KCNH1: variants seen among roughly 807,000 people sequenced by gnomAD.
KCNH1 encodes the protein voltage-gated delayed rectifier potassium channel KCNH1.
In KCNH1, 27 loss-of-function variants were observed where a neutral mutation model predicts 69.2. That is an observed-to-expected ratio of 0.39 (90% confidence interval 0.29 to 0.54). KCNH1 has a LOEUF of 0.54. Ranked by LOEUF, KCNH1 falls within the 20% of genes least tolerant of loss-of-function variation. The pLI, the probability that KCNH1 is intolerant of heterozygous loss-of-function variation, is 0.68. For missense variants in KCNH1, 798 were observed against 1,261.6 expected (o/e 0.63, Z 5.57); for synonymous variants, 456 against 487.7 (o/e 0.93, Z 0.86).
At chr1:210,861,237 C>T in intron 7 of KCNH1, 1 of 969,812 alleles carries the variant, frequency 1.0e-6, no homozygotes, top group Non-Finnish European at 1.7e-6. Flanking sequence ...TGGATAATGC[C>T]TTGTATATGG....
intron 6 of KCNH1, among the ~76,000 whole-genome samples, chr1:210,966,960 C>A (rs1303932365): frequency 9.9e-5 from 15 of 152,158 alleles, no homozygotes; most frequent in Admixed American, 9.8e-4. Context: ...AGACTTGGAA[C>A]CAACGAAATG....
At chr1:210,751,553 C>T (rs1328858954) in intron 10 of KCNH1, among the ~76,000 whole-genome samples, 1 of 152,032 alleles carries the variant, frequency 6.6e-6, no homozygotes, top group African/African-American at 2.4e-5. Context: ...AGGACAGTTC[C>T]AGGCAAAGTG....
intron 10 of KCNH1, among the ~76,000 whole-genome samples, chr1:210,713,096 TAA>T (rs35255213): frequency 6.6e-6 from 1 of 152,226 alleles, no homozygotes; most frequent in Non-Finnish European, 1.5e-5. Context: ...TATTCACCTT[TAA>T]AAAGTTTTTC....
chr1:210,876,384 T>TC (rs779506898), intron 7 of KCNH1, among the ~76,000 whole-genome samples: 7 of 152,168 alleles, frequency 4.6e-5, no homozygotes, highest in Admixed American at 2.0e-4. Flanking sequence ...TACTTGTCTC[T>TC]CTGCTTTCTC....
intron 6 of KCNH1, among the ~76,000 whole-genome samples, chr1:210,980,630 C>T (rs1034924305): frequency 1.3e-5 from 2 of 152,154 alleles, no homozygotes; most frequent in African/African-American, 4.8e-5. Flanking sequence ...ATTTGCACTG[C>T]ATTATATGAT....
In KCNH1 at chr1:210,683,339, A is replaced by C. The variant is rs1681319872; in HGVS notation, c.2912T>G (p.Phe971Cys). The C allele has an allele frequency of 1.9e-6, 3 of 1,614,030 alleles. No individual in the cohort carries two copies. Among genetic ancestry groups the C allele is most frequent in the African/African-American group, 1.3e-5 (1 of 74,992 alleles). Reference sequence around the variant, plus strand: ...TGGGGACTGTGGCCTCGATATTTCAAACAACTCCTGAGGAGACTGAGAGGA... The same window carrying C: ...TGGGGACTGTGGCCTCGATATTTCACACAACTCCTGAGGAGACTGAGAGGA... ...RRSSQSPQEL[F>C]EISRPQSPES... The change falls in exon 11 of 11, where the codon TTT (phenylalanine) becomes TGT (cysteine). Residue 971 changes from phenylalanine (F) to cysteine (C), a missense_variant. Physicochemically the swap from Phe to Cys is radical, Grantham distance 205. Around this residue, in one of 4 missense-constraint regions of KCNH1, gnomAD observed 331 missense variants for 363.2 expected, o/e 0.91. Transcript: ENST00000271751. The surrounding 1 kb of genome is among the most constrained non-coding windows in gnomAD (Gnocchi z 5.7).
rs1461031432 is a variant in KCNH1, at chr1:211,042,740, AT to A, written c.559-23485del. Among the ~76,000 whole-genome samples, 11 of 152,328 alleles carry A rather than the reference AT, an allele frequency of 7.2e-5. No homozygotes were observed. In the East Asian group the frequency reaches 2.1e-3, roughly 29 times the overall value. On this transcript the variant is annotated intron_variant, in intron 5 of 10. Coordinates refer to ENST00000271751, the MANE Select transcript of KCNH1 (RefSeq NM_172362.3). The stretch of plus-strand genomic sequence containing the variant: ...AGGCCACAAAAACAAGCCTCAATAA[AT>A]TTAAGAAAATTGAAATTATATCAAG...
intron 10 of KCNH1, among the ~76,000 whole-genome samples, chr1:210,731,418 C>T (rs1682743909): frequency 6.6e-6 from 1 of 152,178 alleles, no homozygotes; most frequent in Admixed American, 6.5e-5. Context: ...ACTATACAGT[C>T]CCTCACACTG....
chr1:210,991,045 A>T (rs1688926459), intron 6 of KCNH1, among the ~76,000 whole-genome samples: 1 of 152,202 alleles, frequency 6.6e-6, no homozygotes. Context: ...TTGCAGAAAG[A>T]GTCCTCAAAA....
intron 1 of KCNH1, 139 bp from the exon 2 acceptor site, chr1:211,107,516 G>T: frequency 3.6e-6 from 3 of 831,604 alleles, no homozygotes; most frequent in Non-Finnish European, 3.6e-6. Flanking sequence ...CAGAAATGTC[G>T]CCCTGTAAGG....
At chr1:210,688,650 A>C (rs758900712) in intron 10 of KCNH1, among the ~76,000 whole-genome samples, 2 of 152,180 alleles carry the variant, frequency 1.3e-5, no homozygotes, top group Non-Finnish European at 2.9e-5. Flanking sequence ...TACTGATTTC[A>C]TCATCTCTTC....
At chr1:210,920,320 G>T (rs2102562275) in intron 6 of KCNH1, among the ~76,000 whole-genome samples, 1 of 152,116 alleles carries the variant, frequency 6.6e-6, no homozygotes, top group South Asian at 2.1e-4. Flanking sequence ...GAATTATATT[G>T]TACATAAGTA....
chr1:210,689,362 TGAG>T (rs1425253936), intron 10 of KCNH1, among the ~76,000 whole-genome samples: 1 of 152,164 alleles, frequency 6.6e-6, no homozygotes, highest in Non-Finnish European at 1.5e-5. Context: ...AGCTAGAGTT[TGAG>T]GAGTTGTCCC....
At chr1:210,864,458 A>G (rs554978210) in intron 7 of KCNH1, among the ~76,000 whole-genome samples, 1 of 152,334 alleles carries the variant, frequency 6.6e-6, no homozygotes, top group Admixed American at 6.5e-5. Context: ...CGAGAAAACA[A>G]AGGAGGAGGA....
At chr1:210,885,444 C>G (rs967957276) in intron 7 of KCNH1, among the ~76,000 whole-genome samples, 2 of 152,178 alleles carry the variant, frequency 1.3e-5, no homozygotes, top group African/African-American at 4.8e-5. Flanking sequence ...GGTGCCTATA[C>G]CACCAGGGCC....
intron 7 of KCNH1, among the ~76,000 whole-genome samples, chr1:210,830,648 A>G (rs1231540319): frequency 6.6e-6 from 1 of 152,232 alleles, no homozygotes; most frequent in Non-Finnish European, 1.5e-5. Context: ...AATTTTAAGT[A>G]GACAATGACT....
rs546531600 is a variant in KCNH1, at chr1:210,689,342, G to A, written c.2113-5204C>T. Among the ~76,000 whole-genome samples the A allele has an allele frequency of 2.0e-5, 3 of 152,296 alleles. No homozygotes were observed. The South Asian group carries it at 6.2e-4, about 32-fold the overall frequency. On this transcript the variant is annotated intron_variant, in intron 10 of 10. Coordinates refer to ENST00000271751, the MANE Select transcript of KCNH1 (RefSeq NM_172362.3). ...TCGTGCCTAACCTGTTCTCCCCTTG[G>A]CCTGGTCCTAGCTAGAGTTTGAGGA...
chr1:210,997,385 T>A (rs551039022), intron 6 of KCNH1, among the ~76,000 whole-genome samples: 2 of 152,156 alleles, frequency 1.3e-5, no homozygotes, highest in South Asian at 4.2e-4. Context: ...CAGGAGCCAA[T>A]GCAATCAACT....
intron 5 of KCNH1, among the ~76,000 whole-genome samples, chr1:211,021,257 G>T (rs939658493): frequency 6.6e-6 from 1 of 151,872 alleles, no homozygotes; most frequent in African/African-American, 2.4e-5. Context: ...CACCACTAAA[G>T]AACTTATTCA....
Sources: allele counts gnomAD v4.1 joint callset (sites outside exome capture counted in the v4.1 genomes callset), GRCh38; gene constraint gnomAD v4.1.1; regional missense constraint gnomAD v4.1.1; non-coding constraint Gnocchi (gnomAD v3.1); transcripts MANE v1.5; gene names NCBI Gene and HGNC (gene_info 2026-07-23, HGNC 2026-07-21).